Variants in ZC3H14 observed in about 807,000 individuals in gnomAD.
ZC3H14 encodes zinc finger CCCH domain-containing protein 14.
A neutral mutation model predicts 92.4 loss-of-function variants in ZC3H14; 31 were observed. That is an observed-to-expected ratio of 0.34 (90% CI 0.25 to 0.45). ZC3H14 has a LOEUF of 0.45. Among genes scored for constraint, ZC3H14 ranks in the 20% least tolerant of loss-of-function variants. ZC3H14 has a pLI of 1.00. For missense variants in ZC3H14, 781 were observed against 897.3 expected, an observed-to-expected ratio of 0.87 and a Z score of 1.66; for synonymous variants, 321 against 300.9, an observed-to-expected ratio of 1.07 and a Z score of -0.69.
chr14:88,609,915 C>T, intron 15 of ZC3H14, 112 bp downstream of exon 15: 1 of 1,149,722 alleles, frequency 8.7e-7, no homozygotes, highest in Admixed American at 1.9e-5. Context: ...GCGATTTTTG[C>T]CAGTAAAACT....
intron 12 of ZC3H14, among the ~76,000 whole-genome samples, chr14:88,604,039 T>C (rs1436312440): frequency 1.3e-5 from 2 of 152,122 alleles, no homozygotes; most frequent in African/African-American, 2.4e-5. Flanking sequence ...ACTTAAAAAA[T>C]AGTAAAAGCT....
chr14:88,568,255 T>C, intron 3 of ZC3H14, 102 bp downstream of exon 3: 1 of 953,114 alleles, frequency 1.0e-6, no homozygotes, highest in Non-Finnish European at 1.7e-6. Flanking sequence ...AGGTTTACTT[T>C]GGAGAGGCAG....
intron 3 of ZC3H14, among the ~76,000 whole-genome samples, chr14:88,570,708 A>G (rs2080274558): frequency 6.6e-6 from 1 of 152,240 alleles, no homozygotes; most frequent in Admixed American, 6.5e-5. Context: ...TGTTGAAAAC[A>G]GTGAAGAAAA....
Position 88,614,353 on chromosome 14 carries a change from C to T in ZC3H14, c.*2602C>T, listed in dbSNP as rs945209753. 1 of 152,198 alleles carries T rather than the reference C, an allele frequency of 6.6e-6. No individual in the cohort carries two copies. Among genetic ancestry groups the T allele is most frequent in the Non-Finnish European group, 1.5e-5 (1 of 68,032 alleles). 9.4% of individuals were successfully genotyped at this position (152,198 alleles called of 1,614,324 possible). On this transcript the variant is annotated 3_prime_UTR_variant, in exon 17 of 17. Transcript: ENST00000251038. ...CAAGCTTCTTAGCCCCATAATCAGTCCTTCAGCCACAGCTATTTAGAGCTT... is the reference window on the plus strand; with the variant it reads ...CAAGCTTCTTAGCCCCATAATCAGTTCTTCAGCCACAGCTATTTAGAGCTT...
At position 88,616,339 on chromosome 14, in the gene ZC3H14, G is replaced by T; in HGVS notation, c.*4588G>T. The T allele has an allele frequency of 8.4e-7, 1 of 1,195,132 alleles. No homozygotes were observed. Among genetic ancestry groups the T allele is most frequent in the Non-Finnish European group, 1.2e-6 (1 of 810,276 alleles). The allele number at this position is 1,195,132 out of a possible 1,614,324, so 74.0% of individuals were successfully genotyped here. Reference sequence around the variant, plus strand: ...TAATCTCTATGACAAGAGCTGTGGAGAGAGTAGGGAGTTAGCACCGCAGCC... The same window carrying T: ...TAATCTCTATGACAAGAGCTGTGGATAGAGTAGGGAGTTAGCACCGCAGCC... On this transcript the variant is annotated 3_prime_UTR_variant, in exon 17 of 17. Transcript: ENST00000251038.
Position 88,563,331 on chromosome 14 carries a change from G to A in ZC3H14, c.36+162G>A. 2.0e-6 allele frequency: 3 copies of A among 1,494,052 alleles called. No homozygotes were observed. The East Asian group carries it at 7.5e-5, about 38-fold the overall frequency. 92.5% of individuals were successfully genotyped at this position (1,494,052 alleles called of 1,614,324 possible). A position where few individuals can be genotyped will look rare whatever the true frequency, so the allele number is the denominator to read the frequency against. ...CCTCGTCCAGGCCGCCTCGGCCCTG[G>A]GGACATTTGCGGCCTCGGAGCGTGG... On this transcript the variant is annotated intron_variant, in intron 1 of 16. Coordinates refer to ENST00000251038, the MANE Select transcript of ZC3H14 (RefSeq NM_024824.5).
Position 88,620,824 on chromosome 14 carries a change from T to G in ZC3H14, c.*9073T>G. On this transcript the variant is annotated 3_prime_UTR_variant, in exon 17 of 17. Transcript: ENST00000251038. This position sits in a 1 kb window ranked among gnomAD's most constrained non-coding sequence, Gnocchi z 4.3. ...ATTTTTAGAGAACTCACTAGTAAAA[T>G]GATAAATTCTCCATTTTTCATTCCA... 1 of 1,607,280 alleles carries G rather than the reference T, an allele frequency of 6.2e-7. No homozygotes were observed. The highest frequency in any genetic ancestry group is 8.5e-7 in the Non-Finnish European group (1 of 1,176,646).
At chr14:88,578,785 T>G (rs1396963771) in intron 9 of ZC3H14, among the ~76,000 whole-genome samples, 181 of 145,668 alleles carry the variant, frequency 1.2e-3, no homozygotes, top group African/African-American at 4.4e-3. Flanking sequence ...TTCCAGGTTT[T>G]TTTTTTTTTT....
chr14:88,596,490 A>G (rs1041946547), intron 9 of ZC3H14, among the ~76,000 whole-genome samples: 4 of 152,192 alleles, frequency 2.6e-5, no homozygotes, highest in Non-Finnish European at 5.9e-5. Flanking sequence ...AGGAAAACTG[A>G]TGTCCTCATA....
At position 88,626,586 on chromosome 14, in the gene ZC3H14, C is replaced by T; in HGVS notation, c.*14835C>T. On this transcript the variant is annotated 3_prime_UTR_variant, in exon 17 of 17. Coordinates refer to ENST00000251038, the MANE Select transcript of ZC3H14 (RefSeq NM_024824.5). ...GAGCTATAATCGCACCATTGCACCC[C>T]AGCCCAGGCGACAGAGTGAGATACT... The T allele has an allele frequency of 2.2e-6, 1 of 453,462 alleles. No homozygotes were observed. The highest frequency in any genetic ancestry group is 4.0e-6 in the Non-Finnish European group (1 of 248,478). The allele number at this position is 453,462 out of a possible 1,614,324, so 28.1% of individuals were successfully genotyped here.
chr14:88,599,831 G>A (rs572880932), intron 10 of ZC3H14, among the ~76,000 whole-genome samples: 1 of 152,264 alleles, frequency 6.6e-6, no homozygotes, highest in South Asian at 2.1e-4. Flanking sequence ...CAGCCCCTGG[G>A]CCACTGTTGG....
At chr14:88,591,583 CTG>C (rs2083140034) in intron 9 of ZC3H14, 1 of 152,100 alleles carries the variant, frequency 6.6e-6, no homozygotes, top group Non-Finnish European at 1.5e-5. Context: ...ACTGGAAGCA[CTG>C]TGAAAGATTC....
intron 9 of ZC3H14, among the ~76,000 whole-genome samples, chr14:88,593,827 A>G (rs2083452849): frequency 6.6e-6 from 1 of 152,222 alleles, no homozygotes; most frequent in Non-Finnish European, 1.5e-5. Flanking sequence ...AGCACAAGCA[A>G]CCAAAGGAAA....
rs1595493716 is a variant in ZC3H14 at position 88,568,128 on chromosome 14, A to G, written c.169A>G (p.Asn57Asp). The change falls in exon 3 of 17, where the codon AAC (asparagine) becomes GAC (aspartate). Residue 57 changes from asparagine (N) to aspartate (D), a missense_variant. Around this residue, in one of 3 missense-constraint regions of ZC3H14, gnomAD observed 106 missense variants for 154.2 expected, o/e 0.69. Coordinates refer to ENST00000251038, the MANE Select transcript of ZC3H14 (RefSeq NM_024824.5). ...AGAGGATCTGTCCCTGTTTCTAGGG[A>G]ACAACACAATTCGATTCACCGTATG... The part of the protein sequence containing the change: ...MTEDLSLFLG[N>D]NTIRFTVWLH... The G allele has an allele frequency of 3.7e-6, 6 of 1,614,034 alleles. No individual in the cohort carries two copies. Among genetic ancestry groups the G allele is most frequent in the Admixed American group, 1.7e-5 (1 of 60,010 alleles).
Position 88,575,912 on chromosome 14 carries a change from C to T in ZC3H14, c.1095C>T (p.Ser365=), listed in dbSNP as rs199826531. Residue 365 remains serine (S), a synonymous_variant, in exon 8 of 17, where the codon TCC becomes TCT. Coordinates refer to ENST00000251038, the MANE Select transcript of ZC3H14 (RefSeq NM_024824.5). The part of the protein sequence containing the change: ...ILKAISEAQE[S]VTKTTNYSTV... Reference sequence around the variant, plus strand: ...AGGCTATATCTGAAGCTCAAGAATCCGTAACAAAAACAACTAACTACTCTA... The same window carrying T: ...AGGCTATATCTGAAGCTCAAGAATCTGTAACAAAAACAACTAACTACTCTA... 4.3e-6 allele frequency: 7 copies of T among 1,613,538 alleles called. No homozygotes were observed. Among genetic ancestry groups the T allele is most frequent in the East Asian group, 2.2e-5 (1 of 44,836 alleles).
At chr14:88,563,729 T>TA (rs1195829170) in intron 2 of ZC3H14, 36 bp downstream of exon 2, 1 of 1,597,192 alleles carries the variant, frequency 6.3e-7, no homozygotes, top group East Asian at 2.2e-5. Context: ...TTACAGAATT[T>TA]AGAGTTTGCA....
At position 88,615,906 on chromosome 14, in the gene ZC3H14, A is replaced by G. The variant is rs1199330705; in HGVS notation, c.*4155A>G. On this transcript the variant is annotated 3_prime_UTR_variant, in exon 17 of 17. Transcript: ENST00000251038. The stretch of plus-strand genomic sequence containing the variant: ...GAGTTAATTATGTTTTTAGATTTTC[A>G]TAACAGTTTAATATTTTTCAGTTGT... 13 of 1,567,416 alleles carry G rather than the reference A, an allele frequency of 8.3e-6. No homozygotes were observed. The highest frequency in any genetic ancestry group is 8.1e-5 in the African/African-American group (6 of 73,664).
At chr14:88,584,362 T>G (rs531967067) in intron 9 of ZC3H14, among the ~76,000 whole-genome samples, 4 of 152,278 alleles carry the variant, frequency 2.6e-5, no homozygotes, top group Non-Finnish European at 1.5e-5. Context: ...TAAGAAAAAT[T>G]TAGGTATGTC....
Position 88,572,199 on chromosome 14 carries a change from G to T in ZC3H14, c.405G>T (p.Ser135=), listed in dbSNP as rs371769775. The change falls in exon 5 of 17, where the codon TCG becomes TCT. Residue 135 remains serine (S), a synonymous_variant. Transcript: ENST00000251038. ...GAGATTCCAGAGTTTCTACAAGTTC[G>T]CAGGAGTCAAAAACCACAAATGTCA... ...EKRDSRVSTS[S]QESKTTNVRQ... 6.2e-7 allele frequency: 1 copy of T among 1,614,068 alleles called. No individual in the cohort carries two copies. The highest frequency in any genetic ancestry group is 8.5e-7 in the Non-Finnish European group (1 of 1,180,012).
Sources: allele counts gnomAD v4.1 joint callset (sites outside exome capture counted in the v4.1 genomes callset), GRCh38; gene constraint gnomAD v4.1.1; regional missense constraint gnomAD v4.1.1; non-coding constraint Gnocchi (gnomAD v3.1); transcripts MANE v1.5; gene names NCBI Gene and HGNC (gene_info 2026-07-23, HGNC 2026-07-21).